RICTOR: variants seen among roughly 807,000 people sequenced by gnomAD.
RICTOR encodes RPTOR independent companion of MTOR complex 2.
A neutral mutation model predicts 214.9 loss-of-function variants in RICTOR; 49 were observed. The ratio of observed to expected loss-of-function variants is 0.23; its 90% CI spans 0.18 to 0.29. The LOEUF (loss-of-function observed/expected upper bound fraction) is 0.29. Ranked by LOEUF, RICTOR falls within the 10% of genes least tolerant of loss-of-function variation. The pLI, the probability that RICTOR is intolerant of heterozygous loss-of-function variation, is 1.00. For missense variants in RICTOR, 1,625 were observed against 2,047.0 expected, an observed-to-expected ratio of 0.79 and a Z score of 3.98; for synonymous variants, 717 against 711.3, an observed-to-expected ratio of 1.01 and a Z score of -0.13.
intron 3 of RICTOR, among the ~76,000 whole-genome samples, chr5:39,020,461 A>C (rs1015118658): frequency 6.6e-6 from 1 of 151,706 alleles, no homozygotes; most frequent in African/African-American, 2.4e-5. Context: ...TCCTCTACCA[A>C]CAAAAAAAAC....
intron 2 of RICTOR, among the ~76,000 whole-genome samples, chr5:39,037,205 T>G (rs1756783299): frequency 6.6e-6 from 1 of 151,980 alleles, no homozygotes; most frequent in Non-Finnish European, 1.5e-5. Context: ...AACAACCTGC[T>G]CCTGAATGAC....
chr5:39,046,151 A>G (rs995251152), intron 2 of RICTOR, among the ~76,000 whole-genome samples: 1 of 151,544 alleles, frequency 6.6e-6, no homozygotes, highest in Non-Finnish European at 1.5e-5. Context: ...GGAGTTCAAC[A>G]CCAGCAATAA....
intron 5 of RICTOR, among the ~76,000 whole-genome samples, chr5:39,000,599 A>G (rs1483858084): frequency 2.0e-5 from 3 of 152,054 alleles, no homozygotes; most frequent in Non-Finnish European, 2.9e-5. Context: ...AAACTTGTCC[A>G]TTATTATCAT....
chr5:38,951,336 A>C (rs1357059375), intron 30 of RICTOR, among the ~76,000 whole-genome samples: 1 of 152,010 alleles, frequency 6.6e-6, no homozygotes, highest in East Asian at 1.9e-4. Context: ...TTTTCTGTTG[A>C]ATAATTACAA....
At chr5:39,069,518 G>A (rs964743297) in intron 2 of RICTOR, among the ~76,000 whole-genome samples, 5 of 152,160 alleles carry the variant, frequency 3.3e-5, no homozygotes, top group Non-Finnish European at 5.9e-5. Context: ...CTTTGAATCA[G>A]GGTAAAGACA....
intron 4 of RICTOR, 77 bp downstream of exon 4, chr5:39,003,481 A>G: frequency 3.2e-6 from 3 of 929,954 alleles, no homozygotes; most frequent in Non-Finnish European, 5.2e-6. Flanking sequence ...GTATTATTCT[A>G]TTTCTAGTTT....
intron 2 of RICTOR, among the ~76,000 whole-genome samples, chr5:39,065,972 G>A (rs537565937): frequency 6.6e-6 from 1 of 152,340 alleles, no homozygotes; most frequent in Admixed American, 6.5e-5. Context: ...TGGTCTGGAG[G>A]ATGGTAGGCC....
At chr5:39,054,902 A>G (rs1758098557) in intron 2 of RICTOR, among the ~76,000 whole-genome samples, 1 of 152,190 alleles carries the variant, frequency 6.6e-6, no homozygotes, top group Admixed American at 6.5e-5. Flanking sequence ...TATTAATACA[A>G]CTATCATTTC....
chr5:38,975,579 C>G lies in RICTOR; in HGVS notation c.847G>C (p.Ala283Pro). The change falls in exon 10 of 38, where the codon GCC becomes CCC. Residue 283 changes from alanine to proline, a missense_variant. Ala to Pro is a conservative substitution (Grantham distance 27). This residue lies in a region of RICTOR where 258 missense variants were observed against 393.7 expected (regional missense o/e 0.66). Transcript: ENST00000357387. ...LKEDREARFL[A>P]SKMGIIATFR... is the part of the protein sequence containing the mutation. ...GTTGCTATGATTCCCATTTTACTGGCTAGAAATCGTGCTTCTCTGTCTTCT... is the reference window on the plus strand; with the variant it reads ...GTTGCTATGATTCCCATTTTACTGGGTAGAAATCGTGCTTCTCTGTCTTCT... 1 of 1,613,792 alleles carries G rather than the reference C, an allele frequency of 6.2e-7. No homozygotes were observed. The highest frequency in any genetic ancestry group is 8.5e-7 in the Non-Finnish European group (1 of 1,179,790).
intron 7 of RICTOR, among the ~76,000 whole-genome samples, chr5:38,988,688 T>C (rs965552633): frequency 4.6e-5 from 7 of 152,174 alleles, no homozygotes; most frequent in Non-Finnish European, 8.8e-5. Flanking sequence ...ACAAAATCAA[T>C]GTGCAAAAAT....
chr5:38,963,485 G>A (rs1281186220), intron 16 of RICTOR, among the ~76,000 whole-genome samples: 1 of 151,832 alleles, frequency 6.6e-6, no homozygotes. Context: ...CAACTGAACA[G>A]TCTCTATTTT....
chr5:38,990,665 A>AGATATATCATATATATGATATATAT (rs1561501921), intron 7 of RICTOR, among the ~76,000 whole-genome samples: 1 of 8,774 alleles, frequency 1.1e-4, no homozygotes, highest in African/African-American at 2.0e-4. Flanking sequence ...GATATATATC[A>AGATATATCATATATATGATATATAT]GATATATATC....
At position 38,950,155 on chromosome 5, in the gene RICTOR, T is replaced by C; in HGVS notation, c.3693A>G (p.Ser1231=). ...NTDTTTSGIS[S]MSSSPSRETV... is the part of the protein sequence containing the mutation. ...TCTCTCGTGAAGGACTTGAGCTCAT[T>C]GAACTTATGCCACTTGTTGTAGTGT... Residue 1231 remains serine, a synonymous_variant, in exon 31 of 38, where the codon TCA becomes TCG. Coordinates refer to ENST00000357387, the MANE Select transcript of RICTOR (RefSeq NM_152756.5). The C allele has an allele frequency of 6.2e-7, 1 of 1,613,468 alleles. No homozygotes were observed. Among genetic ancestry groups the C allele is most frequent in the Middle Eastern group, 1.7e-4 (1 of 6,058 alleles).
At chr5:38,952,065 G>A in intron 30 of RICTOR, 131 bp downstream of exon 30, 1 of 611,432 alleles carries the variant, frequency 1.6e-6, no homozygotes, top group East Asian at 2.8e-5. Flanking sequence ...CATTCTCCAA[G>A]AGGCTATTAT....
intron 8 of RICTOR, among the ~76,000 whole-genome samples, chr5:38,978,878 T>G (rs1579979409): frequency 6.6e-6 from 1 of 152,210 alleles, no homozygotes; most frequent in South Asian, 2.1e-4. Context: ...AAAACAGTGA[T>G]TTTCTCAAAC....
chr5:39,049,219 C>T (rs946157475), intron 2 of RICTOR, among the ~76,000 whole-genome samples: 2 of 151,666 alleles, frequency 1.3e-5, no homozygotes, highest in African/African-American at 4.9e-5. Flanking sequence ...GGTAACCTAA[C>T]AAATATAGGG....
At chr5:38,972,371 CATGAGT>C (rs1404107460) in intron 10 of RICTOR, among the ~76,000 whole-genome samples, 3 of 152,122 alleles carry the variant, frequency 2.0e-5, no homozygotes, top group African/African-American at 7.2e-5. Flanking sequence ...ACTGAATGCA[CATGAGT>C]ATAAGTAATA....
chr5:38,956,946 G>T (rs6898010), intron 25 of RICTOR, among the ~76,000 whole-genome samples: 1 of 152,054 alleles, frequency 6.6e-6, no homozygotes, highest in Non-Finnish European at 1.5e-5. Flanking sequence ...ATAAAAGAAT[G>T]TGTAACTATG....
At chr5:38,973,215 A>G (rs1750929560) in intron 10 of RICTOR, among the ~76,000 whole-genome samples, 1 of 152,200 alleles carries the variant, frequency 6.6e-6, no homozygotes, top group Non-Finnish European at 1.5e-5. Flanking sequence ...GTCAAAACGC[A>G]TCAAACAGTA....
Sources: allele counts gnomAD v4.1 joint callset (sites outside exome capture counted in the v4.1 genomes callset), GRCh38; gene constraint gnomAD v4.1.1; regional missense constraint gnomAD v4.1.1; transcripts MANE v1.5; gene names NCBI Gene and HGNC (gene_info 2026-07-23, HGNC 2026-07-21).